EHBP1: variants seen among roughly 807,000 people sequenced by gnomAD.
EHBP1 encodes the protein EH domain-binding protein 1.
Under a neutral mutation model 144.0 loss-of-function variants are expected in EHBP1, and 55 were observed. The ratio of observed to expected loss-of-function variants is 0.38; its 90% CI spans 0.31 to 0.48. The LOEUF (loss-of-function observed/expected upper bound fraction) is 0.48. EHBP1 is among the 20% of genes least tolerant of loss of function. The pLI, the probability that EHBP1 is intolerant of heterozygous loss-of-function variation, is 0.98. For synonymous variants in EHBP1, 469 were observed against 472.7 expected (o/e 0.99, Z 0.10); for missense variants, 1,200 against 1,364.2 (o/e 0.88, Z 1.90).
At chr2:62,904,258 G>A (rs2053631135) in intron 10 of EHBP1, among the ~76,000 whole-genome samples, 1 of 152,182 alleles carries the variant, frequency 6.6e-6, no homozygotes, top group East Asian at 1.9e-4. Flanking sequence ...ATCTTGAGCA[G>A]GTGAAATACT....
chr2:62,861,038 G>GA (rs1477246020), intron 8 of EHBP1, among the ~76,000 whole-genome samples: 2 of 148,986 alleles, frequency 1.3e-5, no homozygotes, highest in East Asian at 2.0e-4. Context: ...ATTTGGGGAA[G>GA]AAAAAAATGT....
At chr2:62,952,801 G>A (rs1306257494) in intron 13 of EHBP1, among the ~76,000 whole-genome samples, 4 of 152,010 alleles carry the variant, frequency 2.6e-5, no homozygotes, top group Admixed American at 6.6e-5. Context: ...AAAAATAATC[G>A]TAGCCCAAAT....
intron 5 of EHBP1, among the ~76,000 whole-genome samples, chr2:62,813,151 C>CA (rs1441676644): frequency 6.6e-6 from 1 of 152,172 alleles, no homozygotes; most frequent in East Asian, 1.9e-4. Context: ...AGGGCCACCT[C>CA]AGTATTCTGT....
chr2:62,955,766 A>G, intron 14 of EHBP1, 106 bp downstream of exon 14: 1 of 1,236,836 alleles, frequency 8.1e-7, no homozygotes, highest in Non-Finnish European at 1.1e-6. Flanking sequence ...TACGGACTGT[A>G]CATTGTGAAT....
chr2:63,029,342 T>C (rs998062337), intron 19 of EHBP1, among the ~76,000 whole-genome samples: 3 of 151,906 alleles, frequency 2.0e-5, no homozygotes, highest in Admixed American at 2.0e-4. Flanking sequence ...CTATAGACTT[T>C]GTTATGGGAG....
chr2:62,680,942 G>T (rs890195116), intron 1 of EHBP1, among the ~76,000 whole-genome samples: 9 of 152,108 alleles, frequency 5.9e-5, no homozygotes, highest in Admixed American at 2.0e-4. Context: ...CTATCATACT[G>T]GGAGGAAAGG....
chr2:63,022,323 C>A (rs1454668788), intron 19 of EHBP1, among the ~76,000 whole-genome samples: 1 of 151,668 alleles, frequency 6.6e-6, no homozygotes, highest in Non-Finnish European at 1.5e-5. Context: ...CCTCTTTCTT[C>A]TTTTTCTTTT....
At chr2:62,734,237 A>T (rs2037889838) in intron 2 of EHBP1, among the ~76,000 whole-genome samples, 1 of 150,622 alleles carries the variant, frequency 6.6e-6, no homozygotes, top group Admixed American at 6.6e-5. Context: ...TTACATCTTG[A>T]TTTTGAGACA....
At chr2:62,696,936 A>C (rs1283970121) in intron 1 of EHBP1, among the ~76,000 whole-genome samples, 1 of 152,236 alleles carries the variant, frequency 6.6e-6, no homozygotes, top group Non-Finnish European at 1.5e-5. Context: ...AGGAAAAGAC[A>C]GTGAAAATAG....
chr2:62,770,332 A>ATGT (rs2041560838), intron 4 of EHBP1, among the ~76,000 whole-genome samples: 2 of 152,154 alleles, frequency 1.3e-5, no homozygotes, highest in East Asian at 3.9e-4. Context: ...AAACAAAACA[A>ATGT]CCCCATTAAA....
At chr2:62,809,150 G>C (rs1030233823) in intron 5 of EHBP1, among the ~76,000 whole-genome samples, 8 of 151,984 alleles carry the variant, frequency 5.3e-5, no homozygotes, top group Admixed American at 6.6e-5. Context: ...AATTAACCAG[G>C]CATGATGGCA....
Position 63,032,834 on chromosome 2 carries a change from T to C in EHBP1, c.3104-4701T>C, listed in dbSNP as rs554714593. On this transcript the variant is annotated intron_variant, in intron 19 of 22. Coordinates refer to ENST00000431489, the MANE Select transcript of EHBP1 (RefSeq NM_001142616.3). ...TTAGCAGACAGGTAAATAAAAGATA[T>C]GTGTGAGAGAATATGGCAGTTTTTC... 1.6e-4 allele frequency among the ~76,000 whole-genome samples: 24 copies of C among 152,202 alleles called. 1 individual carries two copies. In the East Asian group the frequency reaches 4.2e-3, roughly 27 times the overall value.
intron 7 of EHBP1, among the ~76,000 whole-genome samples, chr2:62,853,726 G>A (rs1264341377): frequency 1.3e-5 from 2 of 152,172 alleles, no homozygotes; most frequent in Non-Finnish European, 2.9e-5. Context: ...AATAAGACTT[G>A]AAAATCAAAA....
At chr2:62,767,775 G>A (rs1306107370) in intron 4 of EHBP1, among the ~76,000 whole-genome samples, 1 of 149,750 alleles carries the variant, frequency 6.7e-6, no homozygotes, top group Non-Finnish European at 1.5e-5. Flanking sequence ...GGTGAAGGTT[G>A]CAGTGAACCA....
chr2:62,971,599 G>T (rs2153174317), intron 14 of EHBP1, among the ~76,000 whole-genome samples: 1 of 152,282 alleles, frequency 6.6e-6, no homozygotes, highest in South Asian at 2.1e-4. Flanking sequence ...AACAGACACT[G>T]ATTTTAATTC....
intron 5 of EHBP1, among the ~76,000 whole-genome samples, chr2:62,825,594 T>A (rs1176133160): frequency 6.6e-6 from 1 of 151,034 alleles, no homozygotes; most frequent in Non-Finnish European, 1.5e-5. Flanking sequence ...ATACATAGAA[T>A]TCAGATGTTG....
At chr2:62,771,508 G>A in intron 5 of EHBP1, 116 bp downstream of exon 5, 1 of 703,464 alleles carries the variant, frequency 1.4e-6, no homozygotes, top group Non-Finnish European at 2.3e-6. Context: ...ATTAAATAGT[G>A]ATTTGTAGCT....
chr2:62,879,759 A>G (rs1418699591), intron 10 of EHBP1, among the ~76,000 whole-genome samples: 1 of 152,210 alleles, frequency 6.6e-6, no homozygotes, highest in Non-Finnish European at 1.5e-5. Flanking sequence ...GGAAAAATCA[A>G]TATTAAAATG....
intron 10 of EHBP1, among the ~76,000 whole-genome samples, chr2:62,936,102 T>C (rs968162658): frequency 5.3e-5 from 8 of 152,210 alleles, no homozygotes; most frequent in African/African-American, 1.9e-4. Flanking sequence ...TATTGAGTTT[T>C]GGTGTAAAGG....
Sources: gnomAD v4.1 joint callset for allele counts (sites outside exome capture counted in the v4.1 genomes callset) on GRCh38, gnomAD v4.1.1 for gene constraint, MANE v1.5 for transcripts, NCBI Gene and HGNC (gene_info 2026-07-23, HGNC 2026-07-21) for gene names.